IL34: variants seen among roughly 807,000 people sequenced by gnomAD.
IL34 encodes interleukin-34.
In IL34, 17 loss-of-function variants were observed where a neutral mutation model predicts 25.3. The ratio of observed to expected loss-of-function variants is 0.67; its 90% confidence interval spans 0.46 to 1.01. The LOEUF is 1.01. IL34 is among the 50% of genes least tolerant of loss of function. IL34 has a pLI of 0.00. For missense variants in IL34, 368 were observed against 312.9 expected, an observed-to-expected ratio of 1.18 and a Z score of -1.33; for synonymous variants, 174 against 140.9, an observed-to-expected ratio of 1.23 and a Z score of -1.66.
chr16:70,586,918 C>G (rs956356286), intron 1 of IL34, among the ~76,000 whole-genome samples: 2 of 152,186 alleles, frequency 1.3e-5, no homozygotes, highest in Non-Finnish European at 2.9e-5. Flanking sequence ...GTTTGGTCAC[C>G]TTGCTGGAGG....
At chr16:70,657,690 G>C (rs8051559) in intron 4 of IL34, among the ~76,000 whole-genome samples, 1 of 152,084 alleles carries the variant, frequency 6.6e-6, no homozygotes, top group African/African-American at 2.4e-5. Flanking sequence ...CAGGAGAATC[G>C]CTTGAACCTG....
intron 1 of IL34, among the ~76,000 whole-genome samples, chr16:70,653,568 T>G (rs2052135864): frequency 6.6e-6 from 1 of 151,914 alleles, no homozygotes. Context: ...CGTAGTAGCA[T>G]GCAACTGTAG....
chr16:70,631,872 T>A (rs1414969515), intron 1 of IL34, among the ~76,000 whole-genome samples: 9 of 151,982 alleles, frequency 5.9e-5, no homozygotes, highest in African/African-American at 7.3e-5. Context: ...GATAATAATA[T>A]TGATCCCAGG....
chr16:70,650,687 C>G (rs1237627970), intron 1 of IL34, among the ~76,000 whole-genome samples: 1 of 152,206 alleles, frequency 6.6e-6, no homozygotes, highest in African/African-American at 2.4e-5. Flanking sequence ...GCAACTGTTG[C>G]TCTAGGTCTG....
intron 1 of IL34, among the ~76,000 whole-genome samples, chr16:70,619,489 TTG>T (rs2051233484): frequency 1.0e-3 from 157 of 152,000 alleles, no homozygotes; most frequent in Middle Eastern, 3.4e-3. Context: ...TAAAAGAGTA[TTG>T]CCTAAGTTGG....
At chr16:70,626,272 G>C (rs1392017705) in intron 1 of IL34, among the ~76,000 whole-genome samples, 1 of 151,886 alleles carries the variant, frequency 6.6e-6, no homozygotes, top group Admixed American at 6.6e-5. Context: ...TTTTGTTTTA[G>C]TATATACAAG....
In IL34 at chr16:70,646,729, GC is replaced by G. The variant is rs1295150068; in HGVS notation, c.-213del. ...GGCTGCCATGGGACTTGCGGCCACC[GC>G]CCCCCGGCTGTCCTCCACGCTGCCG... On this transcript the variant is annotated 5_prime_UTR_variant, in exon 1 of 6. An upstream open reading frame in the 5' UTR loses its in-frame stop. Coordinates refer to ENST00000288098, the MANE Select transcript of IL34 (RefSeq NM_001393494.1). The G allele has an allele frequency of 1.4e-5, 7 of 484,968 alleles. No individual in the cohort carries two copies. The highest frequency in any genetic ancestry group is 2.1e-5 in the Non-Finnish European group (6 of 279,464). The allele number at this position is 484,968 out of a possible 1,614,324, so 30.0% of individuals were successfully genotyped here.
intron 1 of IL34, among the ~76,000 whole-genome samples, chr16:70,627,728 C>A (rs35437297): frequency 5.3e-5 from 8 of 151,952 alleles, no homozygotes; most frequent in South Asian, 2.1e-4. Context: ...CTTCAGATCC[C>A]AAAGTGGTGG....
chr16:70,611,817 C>A (rs149335123), intron 1 of IL34, among the ~76,000 whole-genome samples: 3 of 152,070 alleles, frequency 2.0e-5, no homozygotes, highest in Non-Finnish European at 4.4e-5. Flanking sequence ...GCACTGCAGC[C>A]TGGGTGACAG....
chr16:70,623,326 A>G (rs2051320083), intron 1 of IL34, among the ~76,000 whole-genome samples: 1 of 152,044 alleles, frequency 6.6e-6, no homozygotes, highest in African/African-American at 2.4e-5. Flanking sequence ...GGAGGATAGG[A>G]GAGTATATGG....
chr16:70,636,517 C>T lies in IL34; in HGVS notation c.-400-10031C>T, dbSNP rs778589236. 2.0e-5 allele frequency among the ~76,000 whole-genome samples: 3 copies of T among 151,864 alleles called. No homozygotes were observed. The East Asian group carries it at 5.8e-4, about 29-fold the overall frequency. ...GACATAGTGTCGTGGCTCATGCCTACAATCCCAGCACTTGGGGAGGCTGAG... is the reference window on the plus strand; with the variant it reads ...GACATAGTGTCGTGGCTCATGCCTATAATCCCAGCACTTGGGGAGGCTGAG... On this transcript the variant is annotated intron_variant, in intron 1 of 6. Transcript: ENST00000429149.
At chr16:70,636,784 A>G (rs1317206946) in intron 1 of IL34, among the ~76,000 whole-genome samples, 2 of 151,778 alleles carry the variant, frequency 1.3e-5, no homozygotes, top group East Asian at 3.9e-4. Flanking sequence ...ACAAAACAAA[A>G]CAAAACAAAA....
At chr16:70,619,104 CA>C (rs1223549003) in intron 1 of IL34, among the ~76,000 whole-genome samples, 1 of 152,074 alleles carries the variant, frequency 6.6e-6, no homozygotes, top group East Asian at 1.9e-4. Context: ...GGTTTTAGGA[CA>C]GGTAAAATGG....
chr16:70,659,940 G>A (rs1052897020), intron 5 of IL34, 57 bp from the exon 6 acceptor site: 20 of 1,513,352 alleles, frequency 1.3e-5, no homozygotes, highest in Non-Finnish European at 1.7e-5. Context: ...TGGCTTAGTG[G>A]GGAGGGTGGT....
At chr16:70,620,948 A>C (rs2051268449) in intron 1 of IL34, among the ~76,000 whole-genome samples, 1 of 152,124 alleles carries the variant, frequency 6.6e-6, no homozygotes, top group Non-Finnish European at 1.5e-5. Context: ...GCCCAGAGAA[A>C]AGAGTAGAGA....
chr16:70,653,316 A>G (rs1005409144), intron 1 of IL34, among the ~76,000 whole-genome samples: 2 of 151,086 alleles, frequency 1.3e-5, no homozygotes, highest in African/African-American at 4.9e-5. Context: ...AGTTTCAGAC[A>G]AGCCTGGGCA....
At chr16:70,645,199 G>T (rs541593877), upstream of IL34, among the ~76,000 whole-genome samples, 11 of 152,178 alleles carry the variant, frequency 7.2e-5, no homozygotes, top group South Asian at 2.1e-3. Flanking sequence ...GAAGGACAAG[G>T]AAAAGAGGAG....
chr16:70,606,553 T>G (rs7199635), intron 1 of IL34, among the ~76,000 whole-genome samples: 7,105 of 152,172 alleles, frequency 0.047, 576 homozygotes, highest in African/African-American at 0.16. Flanking sequence ...AAACAACCAC[T>G]GATCTGTCTT....
At chr16:70,599,303 TC>T (rs770035495) in intron 1 of IL34, among the ~76,000 whole-genome samples, 12 of 135,796 alleles carry the variant, frequency 8.8e-5, no homozygotes, top group Middle Eastern at 3.7e-3. Context: ...CTTCTTTCTT[TC>T]CTTCTTTCTT....
Sources: allele counts gnomAD v4.1 joint callset (sites outside exome capture counted in the v4.1 genomes callset), GRCh38; gene constraint gnomAD v4.1.1; transcripts MANE v1.5; gene names NCBI Gene and HGNC (gene_info 2026-07-23, HGNC 2026-07-21).